The following EYA1 variants were observed in gnomAD, a reference collection of about 807,000 sequenced individuals.
The protein encoded by EYA1 is protein phosphatase EYA1.
In EYA1, 16 loss-of-function variants were observed where a neutral mutation model predicts 82.0. The observed-to-expected ratio is 0.20, with a 90% CI of 0.13 to 0.30. EYA1 has a LOEUF of 0.30. Among genes scored for constraint, EYA1 ranks in the 10% least tolerant of loss-of-function variants. The probability of loss-of-function intolerance (pLI) is 1.00; values close to 1 mark genes in which losing one functional copy is unlikely to be tolerated. For missense variants in EYA1, 633 were observed against 730.7 expected, an observed-to-expected ratio of 0.87 and a Z score of 1.54; for synonymous variants, 261 against 264.4, an observed-to-expected ratio of 0.99 and a Z score of 0.12.
chr8:71,292,132 A>T (rs1215943198), intron 9 of EYA1, among the ~76,000 whole-genome samples: 4 of 152,128 alleles, frequency 2.6e-5, no homozygotes. Flanking sequence ...ATAATACTCA[A>T]AAAGTATTTC....
chr8:71,312,663 C>G (rs760987548), intron 7 of EYA1, among the ~76,000 whole-genome samples: 1 of 152,156 alleles, frequency 6.6e-6, no homozygotes, highest in South Asian at 2.1e-4. Flanking sequence ...GTCTCAAACT[C>G]CTGACCTTGG....
intron 11 of EYA1, among the ~76,000 whole-genome samples, chr8:71,262,162 T>C (rs918614199): frequency 2.0e-5 from 3 of 152,198 alleles, no homozygotes; most frequent in Non-Finnish European, 4.4e-5. Context: ...ACTTTTCTTA[T>C]TGGCAAAAAG....
chr8:71,534,912 A>G (rs1396088617), intron 2 of EYA1, among the ~76,000 whole-genome samples: 6 of 151,876 alleles, frequency 4.0e-5, no homozygotes, highest in Non-Finnish European at 7.4e-5. Context: ...GCTAAAAAAA[A>G]AAAAAAAAAG....
chr8:71,350,962 G>C (rs966618301), intron 3 of EYA1, among the ~76,000 whole-genome samples: 1 of 152,154 alleles, frequency 6.6e-6, no homozygotes, highest in African/African-American at 2.4e-5. Flanking sequence ...TACTTCTCAT[G>C]CTTAACACAA....
chr8:71,270,194 T>A (rs924374472), intron 10 of EYA1: 2 of 191,920 alleles, frequency 1.0e-5, no homozygotes, highest in African/African-American at 4.7e-5. Context: ...TCATTTATCT[T>A]TTCCTTACCT....
At chr8:71,312,130 G>GT (rs1226591111) in intron 7 of EYA1, among the ~76,000 whole-genome samples, 6 of 152,150 alleles carry the variant, frequency 3.9e-5, no homozygotes, top group Non-Finnish European at 8.8e-5. Context: ...TTTCTAAGAA[G>GT]TTTTTTTTAG....
At chr8:71,289,246 G>T (rs911533736) in intron 9 of EYA1, among the ~76,000 whole-genome samples, 3 of 152,192 alleles carry the variant, frequency 2.0e-5, no homozygotes, top group Non-Finnish European at 2.9e-5. Flanking sequence ...GATTCAGGAA[G>T]TGGAAAATGA....
At chr8:71,407,053 T>C (rs1830288111) in intron 2 of EYA1, among the ~76,000 whole-genome samples, 1 of 111,730 alleles carries the variant, frequency 9.0e-6, no homozygotes, top group Non-Finnish European at 2.1e-5. Flanking sequence ...CCTCCTCAAG[T>C]GGGTCCCTGA....
At position 71,356,614 on chromosome 8, in the gene EYA1, A is replaced by C. The variant is rs1016068868; in HGVS notation, c.-54-103T>G. 1.5e-5 allele frequency: 21 copies of C among 1,423,796 alleles called. No homozygotes were observed. The African/African-American group carries it at 2.9e-4, about 20-fold the overall frequency. 88.2% of individuals were successfully genotyped at this position (1,423,796 alleles called of 1,614,324 possible). ...GCTGAGAACGACAATGCTCTCTTTT[A>C]ACCAAAAGAGAAAAAGGAGGATACT... is the stretch of plus-strand genomic sequence containing the variant. On this transcript the variant is annotated intron_variant, in intron 1 of 17. Coordinates refer to ENST00000340726, the MANE Select transcript of EYA1 (RefSeq NM_000503.6).
chr8:71,396,138 T>C (rs1174528205), intron 2 of EYA1, among the ~76,000 whole-genome samples: 3 of 152,166 alleles, frequency 2.0e-5, no homozygotes, highest in Non-Finnish European at 4.4e-5. Flanking sequence ...GGTGGTGATA[T>C]CCCCTTTCTC....
intron 2 of EYA1, among the ~76,000 whole-genome samples, chr8:71,432,428 A>G (rs937422952): frequency 7.2e-5 from 11 of 152,182 alleles, no homozygotes; most frequent in African/African-American, 2.7e-4. Context: ...AGAGTGCTAT[A>G]TTAGTTAGCC....
At chr8:71,537,211 T>C (rs1336080302) in intron 1 of EYA1, among the ~76,000 whole-genome samples, 1 of 152,170 alleles carries the variant, frequency 6.6e-6, no homozygotes, top group African/African-American at 2.4e-5. Context: ...TCTTAAAATT[T>C]AGACAAGCCA....
rs147776263 is a variant in EYA1, at chr8:71,331,245, TACACACACAC to T, written c.202+2842_202+2851del. Among the ~76,000 whole-genome samples, 324 of 136,540 alleles carry T rather than the reference TACACACACAC, an allele frequency of 2.4e-3. 2 individuals carry two copies. The highest frequency in any genetic ancestry group is 6.4e-3 in the African/African-American group (228 of 35,836). 89.6% of individuals were successfully genotyped at this position (136,540 alleles called of 152,430 possible). On this transcript the variant is annotated intron_variant, in intron 4 of 17. Coordinates refer to ENST00000340726, the MANE Select transcript of EYA1 (RefSeq NM_000503.6). Reference sequence around the variant, plus strand: ...CTCTGTCTCTAAATAAATAAATAAATACACACACACACACACACACACACACACACACACA... The same window carrying T: ...CTCTGTCTCTAAATAAATAAATAAATACACACACACACACACACACACACA...
chr8:71,344,299 T>TA (rs976755649), intron 3 of EYA1, among the ~76,000 whole-genome samples: 2 of 151,986 alleles, frequency 1.3e-5, no homozygotes, highest in African/African-American at 2.4e-5. Flanking sequence ...ATTGTACCAA[T>TA]AAAAAAAATG....
intron 7 of EYA1, among the ~76,000 whole-genome samples, chr8:71,305,976 G>A (rs1563434012): frequency 6.6e-6 from 1 of 152,170 alleles, no homozygotes; most frequent in Non-Finnish European, 1.5e-5. Context: ...TGATGCAAAA[G>A]AAGTGGGCAT....
intron 12 of EYA1, among the ~76,000 whole-genome samples, chr8:71,223,335 A>G (rs1810169329): frequency 6.6e-6 from 1 of 152,196 alleles, no homozygotes; most frequent in Non-Finnish European, 1.5e-5. Context: ...GGATCCTACA[A>G]GCATCTTTCA....
chr8:71,309,057 C>T (rs1480290571), intron 7 of EYA1, among the ~76,000 whole-genome samples: 2 of 152,204 alleles, frequency 1.3e-5, no homozygotes, highest in East Asian at 1.9e-4. Flanking sequence ...CCAGGATTTT[C>T]CCCCTTCCTT....
chr8:71,299,654 A>C lies in EYA1; in HGVS notation c.623T>G (p.Phe208Cys). Residue 208 changes from phenylalanine to cysteine, a missense_variant, in exon 8 of 18, where the codon TTT (phenylalanine) becomes TGT (cysteine). Transcript: ENST00000340726. ...GNNSLTNSSG[F>C]NSSQQDYPSY... ...TTAAATTACCTGCTGTGAACTATTAAATCCAGAGGAATTTGTGAGTGAATT... is the reference window on the plus strand; with the variant it reads ...TTAAATTACCTGCTGTGAACTATTACATCCAGAGGAATTTGTGAGTGAATT... The C allele has an allele frequency of 6.3e-7, 1 of 1,585,022 alleles. No individual in the cohort carries two copies. Among genetic ancestry groups the C allele is most frequent in the Non-Finnish European group, 8.7e-7 (1 of 1,154,344 alleles).
intron 3 of EYA1, among the ~76,000 whole-genome samples, chr8:71,347,295 A>T (rs1351677362): frequency 6.6e-6 from 1 of 151,576 alleles, no homozygotes; most frequent in African/African-American, 2.4e-5. Flanking sequence ...GGTGCCTAAA[A>T]GTTACCCTAA....
Sources: allele counts gnomAD v4.1 joint callset (sites outside exome capture counted in the v4.1 genomes callset), GRCh38; gene constraint gnomAD v4.1.1; transcripts MANE v1.5; gene names NCBI Gene and HGNC (gene_info 2026-07-23, HGNC 2026-07-21).